Variants in C5 observed in about 807,000 individuals in gnomAD.
C5 encodes the protein C3 and PZP-like alpha-2-macroglobulin domain-containing protein 4.
In C5, 140 loss-of-function variants were observed where a neutral mutation model predicts 218.8. That is an observed-to-expected ratio of 0.64 (90% CI 0.56 to 0.74). The LOEUF (loss-of-function observed/expected upper bound fraction) is 0.74, where lower values mean the gene tolerates loss of function less well. C5 is among the 30% of genes least tolerant of loss of function. The probability of loss-of-function intolerance (pLI) is 0.00; values close to 1 mark genes in which losing one functional copy is unlikely to be tolerated. For missense variants in C5, 1,700 were observed against 1,969.6 expected (o/e 0.86, Z 2.59); for synonymous variants, 614 against 682.3 (o/e 0.90, Z 1.56).
chr9:121,071,714 C>T, the C5 span, among the ~76,000 whole-genome samples: 2 of 152,114 alleles, frequency 1.3e-5, no homozygotes, highest in Admixed American at 1.3e-4. Context: ...TCACACTGGC[C>T]AGTCACAGAA....
chr9:121,070,076 G>A, the C5 span, among the ~76,000 whole-genome samples: 1 of 151,992 alleles, frequency 6.6e-6, no homozygotes, highest in Non-Finnish European at 1.5e-5. Context: ...AGAAAATGTG[G>A]GCCAGACGTA....
At chr9:121,010,119 TG>T (rs2047249677) in intron 17 of C5, among the ~76,000 whole-genome samples, 2 of 152,200 alleles carry the variant, frequency 1.3e-5, no homozygotes, top group South Asian at 4.1e-4. Flanking sequence ...CCTAGTGCAC[TG>T]GAAGTCCTAG....
intron 34 of C5, among the ~76,000 whole-genome samples, chr9:120,963,209 A>G (rs1278605322): frequency 6.6e-6 from 1 of 152,204 alleles, no homozygotes; most frequent in African/African-American, 2.4e-5. Context: ...TTATGTTTTG[A>G]AAAGAATATT....
intron 17 of C5, among the ~76,000 whole-genome samples, chr9:121,008,759 G>A (rs139347158): frequency 1.2e-4 from 19 of 152,086 alleles, no homozygotes; most frequent in African/African-American, 4.1e-4. Context: ...TTGAAACCCC[G>A]TCTCTACTAA....
intron 22 of C5, among the ~76,000 whole-genome samples, chr9:120,993,389 A>G (rs2047091676): frequency 6.6e-6 from 1 of 152,058 alleles, no homozygotes; most frequent in Non-Finnish European, 1.5e-5. Context: ...CTATGTAAGA[A>G]AAATGAATTA....
At chr9:121,062,059 GTTGT>G in the C5 span, among the ~76,000 whole-genome samples, 18,192 of 152,056 alleles carry the variant, frequency 0.12, 1,552 homozygotes, top group African/African-American at 0.24. Context: ...TTTTGTTGTT[GTTGT>G]TTTTCTTTTT....
intron 38 of C5, 51 bp downstream of exon 38, chr9:120,960,195 CAT>C: frequency 9.0e-7 from 1 of 1,111,578 alleles, no homozygotes; most frequent in South Asian, 1.2e-5. Context: ...TAACTGAACA[CAT>C]ATTCATAAAA....
chr9:121,068,928 T>C, the C5 span, among the ~76,000 whole-genome samples: 1 of 152,150 alleles, frequency 6.6e-6, no homozygotes, highest in Non-Finnish European at 1.5e-5. Context: ...GATATCCATA[T>C]ACAGAAGAAT....
chr9:121,068,642 T>A, the C5 span, among the ~76,000 whole-genome samples: 2 of 152,208 alleles, frequency 1.3e-5, no homozygotes, highest in African/African-American at 2.4e-5. Context: ...AAAATTTTTA[T>A]GGAACCACAA....
At chr9:121,059,421 C>T in the C5 span, among the ~76,000 whole-genome samples, 1 of 152,172 alleles carries the variant, frequency 6.6e-6, no homozygotes, top group Admixed American at 6.5e-5. The surrounding 1 kb of genome is among the most constrained non-coding windows in gnomAD (Gnocchi z 4.1). Flanking sequence ...TACCCTAGAC[C>T]TTCTAATGAA....
chr9:120,996,161 A>G (rs1587967570), intron 22 of C5, 79 bp downstream of exon 22: 1 of 1,094,550 alleles, frequency 9.1e-7, no homozygotes, highest in East Asian at 2.4e-5. Context: ...CTTTCTGAAA[A>G]ATAGTGTTTT....
intron 17 of C5, among the ~76,000 whole-genome samples, 190 bp downstream of exon 17, chr9:121,013,683 G>A (rs1255822409): frequency 1.3e-5 from 2 of 152,102 alleles, no homozygotes; most frequent in African/African-American, 4.8e-5. Context: ...CTGGCCTAGT[G>A]TACTCTGCTC....
chr9:121,058,269 C>A, the C5 span, among the ~76,000 whole-genome samples: 1 of 152,132 alleles, frequency 6.6e-6, no homozygotes, highest in Non-Finnish European at 1.5e-5. Context: ...AATGAGTAAA[C>A]TAAGGCTCAG....
At chr9:120,974,356 C>T (rs1219553390) in intron 30 of C5, among the ~76,000 whole-genome samples, 1 of 152,216 alleles carries the variant, frequency 6.6e-6, no homozygotes, top group Non-Finnish European at 1.5e-5. Flanking sequence ...TGCCTTCCCT[C>T]CTACGCTCAC....
chr9:120,979,614 G>A (rs1366124487), intron 28 of C5: 1 of 213,752 alleles, frequency 4.7e-6, no homozygotes, highest in East Asian at 1.2e-4. Context: ...GAGGACAGGT[G>A]TGGTGGCTCA....
chr9:120,954,455 T>C (rs1008164673), intron 39 of C5, among the ~76,000 whole-genome samples: 1 of 152,236 alleles, frequency 6.6e-6, no homozygotes. Context: ...TTCCTCCCCA[T>C]GTTGGCCTCT....
At chr9:121,034,964 C>A in intron 4 of C5, 70 bp from the exon 5 acceptor site, 1 of 721,688 alleles carries the variant, frequency 1.4e-6, no homozygotes, top group South Asian at 1.6e-5. Flanking sequence ...ATTATACAAT[C>A]TTTGATGTAC....
chr9:120,957,143 C>T (rs776295240), intron 39 of C5, 142 bp downstream of exon 39: 5 of 652,224 alleles, frequency 7.7e-6, no homozygotes, highest in Non-Finnish European at 1.1e-5. Flanking sequence ...AAATGTTTCT[C>T]CCCAAGTAGA....
intron 4 of C5, among the ~76,000 whole-genome samples, chr9:121,036,789 T>A (rs902499820): frequency 6.6e-6 from 1 of 152,230 alleles, no homozygotes; most frequent in East Asian, 1.9e-4. Context: ...TCCTACTGTA[T>A]AATTTATTTG....
Sources: allele counts gnomAD v4.1 joint callset (sites outside exome capture counted in the v4.1 genomes callset), GRCh38; gene constraint gnomAD v4.1.1; non-coding constraint Gnocchi (gnomAD v3.1); transcripts MANE v1.5; gene names NCBI Gene and HGNC (gene_info 2026-07-23, HGNC 2026-07-21).